Variants in PACRGL observed in about 807,000 individuals in gnomAD.
The protein encoded by PACRGL is PACRG-like protein.
PACRGL carries 38 observed loss-of-function variants against 34.5 expected under a neutral mutation model. The observed-to-expected ratio is 1.10, with a 90% CI of 0.85 to 1.44. The LOEUF (loss-of-function observed/expected upper bound fraction) is 1.44. Among genes scored for constraint, PACRGL ranks in the 40% most tolerant of loss-of-function variants. PACRGL has a pLI of 0.00. For synonymous variants in PACRGL, 128 were observed against 100.1 expected (o/e 1.28, Z -1.66); for missense variants, 305 against 281.4 (o/e 1.08, Z -0.60).
chr4:20,704,214 C>T (rs1203193410), intron 1 of PACRGL, among the ~76,000 whole-genome samples: 2 of 152,042 alleles, frequency 1.3e-5, no homozygotes, highest in African/African-American at 2.4e-5. Context: ...TTTATTTTGA[C>T]AATTTGAATG....
intron 8 of PACRGL, among the ~76,000 whole-genome samples, chr4:20,726,917 A>G (rs1253561540): frequency 6.6e-6 from 1 of 152,152 alleles, no homozygotes; most frequent in Non-Finnish European, 1.5e-5. Context: ...CTTTTTAGAC[A>G]TGAAACCCAT....
chr4:20,741,264 A>T (rs1010540173), intron 8 of PACRGL, among the ~76,000 whole-genome samples: 2 of 152,222 alleles, frequency 1.3e-5, no homozygotes, highest in Non-Finnish European at 2.9e-5. Flanking sequence ...TCAACAGAAT[A>T]TAGATTCTTC....
intron 8 of PACRGL, among the ~76,000 whole-genome samples, chr4:20,749,356 A>T (rs759642272): frequency 6.6e-6 from 1 of 152,266 alleles, no homozygotes; most frequent in African/African-American, 2.4e-5. Context: ...TACCACAGCA[A>T]CTGGCCCATA....
chr4:20,720,144 T>C (rs1335938951), intron 7 of PACRGL, among the ~76,000 whole-genome samples: 4 of 152,204 alleles, frequency 2.6e-5, no homozygotes, highest in East Asian at 1.9e-4. Context: ...GAGACTAGGA[T>C]TGCAACTTCT....
chr4:20,720,261 G>A (rs1407530536), intron 7 of PACRGL, among the ~76,000 whole-genome samples: 3 of 152,148 alleles, frequency 2.0e-5, no homozygotes, highest in Admixed American at 1.3e-4. Context: ...ACAGCACACT[G>A]ATGGGTCTCG....
chr4:20,728,827 T>C lies in PACRGL; in HGVS notation c.*1486T>C, dbSNP rs1023644858. ...CAAAGACAGTTGCAAATTTCCTCCTTCTGTAGCCTCTTGGTCTTTGTGATA... is the reference window on the plus strand; with the variant it reads ...CAAAGACAGTTGCAAATTTCCTCCTCCTGTAGCCTCTTGGTCTTTGTGATA... On this transcript the variant is annotated 3_prime_UTR_variant, in exon 9 of 9. Coordinates refer to ENST00000503585, the MANE Select transcript of PACRGL (RefSeq NM_001258345.3). 3 of 152,580 alleles carry C rather than the reference T, an allele frequency of 2.0e-5. No individual in the cohort carries two copies. Among genetic ancestry groups the C allele is most frequent in the African/African-American group, 7.2e-5 (3 of 41,438 alleles). The allele number at this position is 152,580 out of a possible 1,614,324, so 9.5% of individuals were successfully genotyped here.
intron 1 of PACRGL, among the ~76,000 whole-genome samples, chr4:20,703,511 T>TGTGTGTGTG (rs59363888): frequency 4.6e-4 from 44 of 95,672 alleles, no homozygotes; most frequent in African/African-American, 1.5e-3. Flanking sequence ...TGTGTGTGTG[T>TGTGTGTGTG]TTGTGTGTGT....
At position 20,712,902 on chromosome 4, in the gene PACRGL, C is replaced by T; in HGVS notation, c.481C>T (p.Pro161Ser). The T allele has an allele frequency of 6.3e-7, 1 of 1,586,080 alleles. No individual in the cohort carries two copies. Among genetic ancestry groups the T allele is most frequent in the Non-Finnish European group, 8.6e-7 (1 of 1,163,792 alleles). The change falls in exon 6 of 9, where the codon CCT becomes TCT. Residue 161 changes from proline to serine, a missense_variant. Coordinates refer to ENST00000503585, the MANE Select transcript of PACRGL (RefSeq NM_001258345.3). ...KAIPLLPRLIPVLKAALVHSD... is the reference protein window; with the variant it reads ...KAIPLLPRLISVLKAALVHSD... ...TATTCCTTTGCTACCTAGACTGATT[C>T]CTGTGCTAAAGGCAGCTCTGGTATG...
intron 1 of PACRGL, among the ~76,000 whole-genome samples, chr4:20,703,489 T>TGTGC (rs979796339): frequency 7.0e-6 from 1 of 142,534 alleles, no homozygotes; most frequent in Non-Finnish European, 1.5e-5. Context: ...TGTGTGTGTG[T>TGTGC]GTGTGTGTGT....
At chr4:20,740,917 C>G (rs1315926542) in intron 8 of PACRGL, among the ~76,000 whole-genome samples, 1 of 152,054 alleles carries the variant, frequency 6.6e-6, no homozygotes, top group Non-Finnish European at 1.5e-5. Context: ...GCAGGGGTTG[C>G]AATCCTAGTC....
chr4:20,705,540 G>A (rs2149053050), intron 3 of PACRGL, among the ~76,000 whole-genome samples: 1 of 152,164 alleles, frequency 6.6e-6, no homozygotes, highest in Non-Finnish European at 1.5e-5. Flanking sequence ...TAGTTTGAGC[G>A]GCTATGTTCC....
At chr4:20,722,471 C>G (rs1485408008) in intron 7 of PACRGL, among the ~76,000 whole-genome samples, 1 of 152,202 alleles carries the variant, frequency 6.6e-6, no homozygotes, top group Non-Finnish European at 1.5e-5. Context: ...TGGAACCGCC[C>G]CCTTCTTCAT....
rs78688020 is a variant in PACRGL, at chr4:20,711,980, A to G, written c.367-808A>G. 3.4e-3 allele frequency among the ~76,000 whole-genome samples: 519 copies of G among 152,250 alleles called. 12 individuals carry two copies. In the East Asian group the frequency reaches 0.058, roughly 17 times the overall value. ...ATTTTAGGAACTTATTAAGTCATAA[A>G]ATCACTAAATGTAGGGGATCTTATA... On this transcript the variant is annotated intron_variant, in intron 5 of 8. Transcript: ENST00000503585.
At chr4:20,766,048 CAA>C in the PACRGL span, among the ~76,000 whole-genome samples, 2 of 152,012 alleles carry the variant, frequency 1.3e-5, no homozygotes, top group African/African-American at 2.4e-5. Flanking sequence ...GTGATGATGA[CAA>C]TGATGATACT....
chr4:20,739,729 G>A (rs1750594451), intron 8 of PACRGL, among the ~76,000 whole-genome samples: 1 of 152,162 alleles, frequency 6.6e-6, no homozygotes, highest in Non-Finnish European at 1.5e-5. Flanking sequence ...AACAAAGCTG[G>A]ATGGAGAATG....
Position 20,731,408 on chromosome 4 carries a change from C to A in PACRGL, c.*4067C>A, listed in dbSNP as rs1432434031. On this transcript the variant is annotated 3_prime_UTR_variant, in exon 9 of 9. Transcript: ENST00000503585. Reference sequence around the variant, plus strand: ...TTTAACTGTGGTTCTGCCCACACATCAAGTCAAATAATTCTAAGTAAGCTA... The same window carrying A: ...TTTAACTGTGGTTCTGCCCACACATAAAGTCAAATAATTCTAAGTAAGCTA... The A allele has an allele frequency of 9.1e-6, 9 of 985,218 alleles. No individual in the cohort carries two copies. The South Asian group carries it at 3.8e-4, about 41-fold the overall frequency. The allele number at this position is 985,218 out of a possible 1,614,324, so 61.0% of individuals were successfully genotyped here. A position where few individuals can be genotyped will look rare whatever the true frequency, so the allele number is the denominator to read the frequency against.
chr4:20,705,995 ATAT>A (rs1560295067), intron 3 of PACRGL, among the ~76,000 whole-genome samples: 1 of 151,062 alleles, frequency 6.6e-6, no homozygotes, highest in African/African-American at 2.4e-5. Flanking sequence ...ATGCACATTA[ATAT>A]TTTAAATATT....
chr4:20,757,742 C>T (rs1460063540), downstream of PACRGL, among the ~76,000 whole-genome samples: 1 of 152,164 alleles, frequency 6.6e-6, no homozygotes, highest in African/African-American at 2.4e-5. Context: ...ATCAAACTCT[C>T]TGCACCTTAG....
chr4:20,698,885 G>A (rs537833051), upstream of PACRGL, among the ~76,000 whole-genome samples: 2 of 152,120 alleles, frequency 1.3e-5, no homozygotes, highest in East Asian at 3.9e-4. Context: ...TATGTGTCAG[G>A]TATTCAATTG....
Sources: allele counts gnomAD v4.1 joint callset (sites outside exome capture counted in the v4.1 genomes callset), GRCh38; gene constraint gnomAD v4.1.1; transcripts MANE v1.5; gene names NCBI Gene and HGNC (gene_info 2026-07-23, HGNC 2026-07-21).